Variants in EPYC observed in about 807,000 individuals in gnomAD.
EPYC encodes the protein epiphycan.
EPYC carries 28 observed loss-of-function variants against 30.1 expected under a neutral mutation model. The ratio of observed to expected loss-of-function variants is 0.93; its 90% confidence interval spans 0.69 to 1.28. EPYC has a LOEUF of 1.28. EPYC is among the 50% of genes most tolerant of loss of function. The pLI is 0.00. For synonymous variants in EPYC, 144 were observed against 141.4 expected, an observed-to-expected ratio of 1.02 and a Z score of -0.13; for missense variants, 382 against 383.5, an observed-to-expected ratio of 1.00 and a Z score of 0.03.
chr12:91,004,543 T>A (rs1189998745), intron 1 of EPYC, among the ~76,000 whole-genome samples: 1 of 152,110 alleles, frequency 6.6e-6, no homozygotes, highest in Non-Finnish European at 1.5e-5. Flanking sequence ...CATAATGTCA[T>A]GTAATCATTA....
chr12:90,982,488 C>T (rs1223058331), intron 2 of EPYC, among the ~76,000 whole-genome samples: 2 of 152,060 alleles, frequency 1.3e-5, no homozygotes, highest in Non-Finnish European at 2.9e-5. Flanking sequence ...AACCTCCTGG[C>T]CCCAGGCAAT....
intron 6 of EPYC, among the ~76,000 whole-genome samples, chr12:90,968,750 G>T (rs942139699): frequency 6.6e-6 from 1 of 151,878 alleles, no homozygotes. Context: ...TATCACCCCA[G>T]ATAATAGTAA....
At chr12:90,998,341 C>T (rs1877743876) in intron 2 of EPYC, among the ~76,000 whole-genome samples, 1 of 152,080 alleles carries the variant, frequency 6.6e-6, no homozygotes, top group South Asian at 2.1e-4. Flanking sequence ...AATGTACTTA[C>T]TGGGTAATAT....
At chr12:90,997,153 T>C (rs1332176588) in intron 2 of EPYC, among the ~76,000 whole-genome samples, 1 of 152,068 alleles carries the variant, frequency 6.6e-6, no homozygotes, top group Non-Finnish European at 1.5e-5. Context: ...TAACTTAATG[T>C]CATTGTAAAT....
intron 2 of EPYC, among the ~76,000 whole-genome samples, chr12:90,992,498 C>T (rs1877608824): frequency 6.6e-6 from 1 of 152,158 alleles, no homozygotes; most frequent in Non-Finnish European, 1.5e-5. Flanking sequence ...TACATGCTCA[C>T]TAGAGAGTCT....
intron 2 of EPYC, among the ~76,000 whole-genome samples, chr12:90,997,095 A>G (rs1203917771): frequency 6.6e-6 from 1 of 151,992 alleles, no homozygotes; most frequent in Non-Finnish European, 1.5e-5. Context: ...ACCCATTCTG[A>G]CACTGAGACC....
chr12:91,002,896 A>G (rs1877865513), intron 1 of EPYC, among the ~76,000 whole-genome samples: 1 of 152,088 alleles, frequency 6.6e-6, no homozygotes, highest in African/African-American at 2.4e-5. Context: ...TTTACCATTT[A>G]ATAAACATTA....
intron 2 of EPYC, among the ~76,000 whole-genome samples, chr12:91,000,245 C>T (rs1877791540): frequency 1.3e-5 from 2 of 151,992 alleles, no homozygotes; most frequent in African/African-American, 4.8e-5. Context: ...TCAGAAAGGA[C>T]TCTGTGTAAA....
chr12:90,983,075 T>C (rs947503962), intron 2 of EPYC, among the ~76,000 whole-genome samples: 18 of 152,180 alleles, frequency 1.2e-4, no homozygotes, highest in Non-Finnish European at 4.4e-5. Flanking sequence ...TTGTTTTTCA[T>C]AGTGATTGTA....
At chr12:90,998,744 A>G (rs1297591020) in intron 2 of EPYC, among the ~76,000 whole-genome samples, 1 of 152,182 alleles carries the variant, frequency 6.6e-6, no homozygotes, top group East Asian at 1.9e-4. Flanking sequence ...ACAAATTGCC[A>G]TAAACTTAGT....
chr12:90,970,011 G>T, intron 6 of EPYC, 33 bp downstream of exon 6: 3 of 1,518,498 alleles, frequency 2.0e-6, no homozygotes, highest in Non-Finnish European at 2.7e-6. Context: ...TTTCTCTGAA[G>T]CCCTTGGGCG....
intron 2 of EPYC, among the ~76,000 whole-genome samples, chr12:90,995,272 A>G (rs1425710516): frequency 6.6e-6 from 1 of 152,098 alleles, no homozygotes; most frequent in Admixed American, 6.6e-5. Flanking sequence ...TTCAGTTCAG[A>G]AGGATCATAT....
At chr12:91,002,024 T>G (rs1877838398) in intron 2 of EPYC, among the ~76,000 whole-genome samples, 1 of 151,420 alleles carries the variant, frequency 6.6e-6, no homozygotes, top group Admixed American at 6.6e-5. Context: ...CCATCTCTAC[T>G]AAAAATACAA....
At position 90,972,950 on chromosome 12, in the gene EPYC, A is replaced by T. The variant is rs766987779; in HGVS notation, c.371T>A (p.Ile124Lys). The change falls in exon 4 of 7, where the codon ATA becomes AAA. Residue 124 changes from isoleucine to lysine, a missense_variant. Ile to Lys is a moderately radical substitution (Grantham distance 102). Transcript: ENST00000261172. Reference protein sequence around the residue: ...DFPTCLLCTCISTTVYCDDHE... With the variant: ...DFPTCLLCTCKSTTVYCDDHE... ...GTCATCACAGTACACGGTGGTACTT[A>T]TACAAGTACACAAAAGACAGGTTGG... 1 of 1,604,850 alleles carries T rather than the reference A, an allele frequency of 6.2e-7. No homozygotes were observed. The highest frequency in any genetic ancestry group is 8.5e-7 in the Non-Finnish European group (1 of 1,174,470).
chr12:90,997,004 G>A (rs997928318), intron 2 of EPYC, among the ~76,000 whole-genome samples: 6 of 151,972 alleles, frequency 3.9e-5, no homozygotes, highest in Non-Finnish European at 7.4e-5. Flanking sequence ...CCAGGTTGCT[G>A]AGCAGGCAAG....
chr12:90,987,281 C>T (rs567833558), intron 2 of EPYC, among the ~76,000 whole-genome samples: 2 of 152,080 alleles, frequency 1.3e-5, no homozygotes, highest in African/African-American at 2.4e-5. Flanking sequence ...CCTGAGATAA[C>T]CTCCCCTCCG....
At chr12:90,976,602 C>T (rs78341225) in intron 3 of EPYC, among the ~76,000 whole-genome samples, 16 of 152,158 alleles carry the variant, frequency 1.1e-4, no homozygotes, top group African/African-American at 3.6e-4. Flanking sequence ...CTTAGTCATG[C>T]CTTAGGTAAT....
chr12:90,974,704 A>G (rs566644717), intron 3 of EPYC, among the ~76,000 whole-genome samples: 46 of 152,118 alleles, frequency 3.0e-4, no homozygotes, highest in Non-Finnish European at 5.7e-4. Context: ...ATGTAGGTAG[A>G]TTATTTGTCT....
intron 6 of EPYC, among the ~76,000 whole-genome samples, chr12:90,964,709 G>T (rs1876852336): frequency 6.6e-6 from 1 of 152,114 alleles, no homozygotes; most frequent in African/African-American, 2.4e-5. Flanking sequence ...AACAAGGGAA[G>T]AACATTCTAG....
Sources: allele counts gnomAD v4.1 joint callset (sites outside exome capture counted in the v4.1 genomes callset), GRCh38; gene constraint gnomAD v4.1.1; transcripts MANE v1.5; gene names NCBI Gene and HGNC (gene_info 2026-07-23, HGNC 2026-07-21).